The following RALGPS2 variants were observed in gnomAD, a reference collection of about 807,000 sequenced individuals.
RALGPS2 encodes the protein Ral GEF with PH domain and SH3 binding motif 2.
In RALGPS2, 43 loss-of-function variants were observed where a neutral mutation model predicts 86.8. That is an observed-to-expected ratio of 0.50 (90% CI 0.39 to 0.64). RALGPS2 has a LOEUF of 0.64. Ranked by LOEUF, RALGPS2 falls within the 30% of genes least tolerant of loss-of-function variation. RALGPS2 has a pLI of 0.00. For missense variants in RALGPS2, 536 were observed against 694.6 expected (o/e 0.77, Z 2.57); for synonymous variants, 243 against 231.3 (o/e 1.05, Z -0.46).
intron 7 of RALGPS2, among the ~76,000 whole-genome samples, chr1:178,830,297 A>T (rs570986935): frequency 6.6e-6 from 1 of 152,308 alleles, no homozygotes; most frequent in African/African-American, 2.4e-5. Flanking sequence ...GACAATGGGA[A>T]TTGGGGAGAT....
chr1:178,906,788 A>G lies in RALGPS2; in HGVS notation c.1643A>G (p.Lys548Arg). ...LTDSEKGNSY[K>R]FQAGNRMNAM... ...TGGATAATTTTAGGAAATTCGTACA[A>G]GTTTCAAGCTGGCAATAGAATGAAT... Residue 548 changes from lysine (K) to arginine (R), a missense_variant, in exon 19 of 20, where the codon AAG becomes AGG. By Grantham distance (26) the Lys-to-Arg change is conservative (BLOSUM62 2). Transcript: ENST00000367635. The G allele has an allele frequency of 3.7e-6, 6 of 1,609,954 alleles. No individual in the cohort carries two copies. Among genetic ancestry groups the G allele is most frequent in the Non-Finnish European group, 4.2e-6 (5 of 1,178,854 alleles).
chr1:178,790,284 A>G (rs1257354437), intron 4 of RALGPS2, among the ~76,000 whole-genome samples: 1 of 152,162 alleles, frequency 6.6e-6, no homozygotes, highest in Non-Finnish European at 1.5e-5. Flanking sequence ...TCGTGTGAAC[A>G]CTAAGAGTGT....
At chr1:178,744,124 TTGAA>T (rs1422833680) in intron 1 of RALGPS2, among the ~76,000 whole-genome samples, 5 of 152,192 alleles carry the variant, frequency 3.3e-5, no homozygotes, top group African/African-American at 7.2e-5. Context: ...TTTTAGTAAA[TTGAA>T]TGTAACAGTT....
chr1:178,801,451 C>A (rs1432513541), intron 4 of RALGPS2, among the ~76,000 whole-genome samples: 1 of 151,998 alleles, frequency 6.6e-6, no homozygotes, highest in Non-Finnish European at 1.5e-5. Context: ...CCCATTTGAT[C>A]CTGTTTCATC....
chr1:178,785,402 A>G (rs889597281), intron 3 of RALGPS2, among the ~76,000 whole-genome samples, 155 bp from the exon 4 acceptor site: 3 of 151,948 alleles, frequency 2.0e-5, no homozygotes, highest in African/African-American at 4.8e-5. Flanking sequence ...AAATAATTCT[A>G]TTTAATGGTA....
chr1:178,750,001 C>G (rs927726483), intron 1 of RALGPS2, among the ~76,000 whole-genome samples: 1 of 152,048 alleles, frequency 6.6e-6, no homozygotes, highest in Non-Finnish European at 1.5e-5. Flanking sequence ...GTCCCAGCTA[C>G]TTGGAGGGCT....
intron 8 of RALGPS2, chr1:178,870,955 T>C (rs1487288535): frequency 6.6e-6 from 1 of 152,200 alleles, no homozygotes; most frequent in East Asian, 1.9e-4. Flanking sequence ...TTAAGTAGTA[T>C]AGTGGAAGTT....
At chr1:178,828,353 A>G (rs1486026468) in intron 7 of RALGPS2, among the ~76,000 whole-genome samples, 2 of 152,232 alleles carry the variant, frequency 1.3e-5, no homozygotes, top group Non-Finnish European at 2.9e-5. Flanking sequence ...CCTAGGCTAT[A>G]TGGTACAGCC....
intron 16 of RALGPS2, among the ~76,000 whole-genome samples, chr1:178,897,123 G>A (rs535076134): frequency 8.1e-4 from 123 of 151,804 alleles, no homozygotes; most frequent in African/African-American, 2.9e-3. Flanking sequence ...AAAAGTGGGC[G>A]AAGGACATGA....
chr1:178,894,398 G>C (rs374825362), intron 16 of RALGPS2: 2 of 155,046 alleles, frequency 1.3e-5, no homozygotes, highest in Non-Finnish European at 2.9e-5. Flanking sequence ...CAATTTCACA[G>C]ATACAAAATT....
At chr1:178,837,110 C>T (rs879526636) in intron 8 of RALGPS2, among the ~76,000 whole-genome samples, 22 of 152,150 alleles carry the variant, frequency 1.4e-4, no homozygotes, top group Non-Finnish European at 2.4e-4. Flanking sequence ...TCTATATAAT[C>T]GGAGTGGTCT....
chr1:178,806,696 A>G (rs1372906310), intron 4 of RALGPS2, among the ~76,000 whole-genome samples: 3 of 151,868 alleles, frequency 2.0e-5, no homozygotes, highest in East Asian at 1.9e-4. Context: ...TCTTTTTCTC[A>G]TGTATTAAAA....
At chr1:178,798,243 T>C (rs1654300384) in intron 4 of RALGPS2, among the ~76,000 whole-genome samples, 1 of 152,174 alleles carries the variant, frequency 6.6e-6, no homozygotes, top group Non-Finnish European at 1.5e-5. Flanking sequence ...CTGCATAAAA[T>C]TAACTGTAGT....
chr1:178,809,176 T>C lies in RALGPS2; in HGVS notation c.297+1048T>C, dbSNP rs574529489. On this transcript the variant is annotated intron_variant, in intron 5 of 19. Transcript: ENST00000367635. ...ACAAATTCTTATGAAAGAGTTTTTCTTTTTTCTCCTTGACCACCCAGAGCT... is the reference window on the plus strand; with the variant it reads ...ACAAATTCTTATGAAAGAGTTTTTCCTTTTTCTCCTTGACCACCCAGAGCT... 1.1e-4 allele frequency among the ~76,000 whole-genome samples: 17 copies of C among 152,302 alleles called. No homozygotes were observed. The East Asian group carries it at 3.3e-3, about 29-fold the overall frequency.
rs2102374883 is a variant in RALGPS2 at position 178,883,457 on chromosome 1, A to G, written c.837-9A>G. ...ATCATTGTATGTATTTTGTCTTTTTAAAATTCAGGCTTTCATTAAAGATAG... is the reference window on the plus strand; with the variant it reads ...ATCATTGTATGTATTTTGTCTTTTTGAAATTCAGGCTTTCATTAAAGATAG... On this transcript the variant is annotated splice_polypyrimidine_tract_variant and intron_variant, in intron 10 of 19. Coordinates refer to ENST00000367635, the MANE Select transcript of RALGPS2 (RefSeq NM_152663.5). 1.9e-6 allele frequency: 3 copies of G among 1,603,116 alleles called. No individual in the cohort carries two copies. The East Asian group carries it at 6.7e-5, about 36-fold the overall frequency.
chr1:178,753,634 A>G (rs1320832544), intron 1 of RALGPS2: 1 of 152,130 alleles, frequency 6.6e-6, no homozygotes, highest in Non-Finnish European at 1.5e-5. Flanking sequence ...CGTAATGTTC[A>G]CCGTAATACT....
At chr1:178,727,248 TAAG>T (rs1650075880) in intron 1 of RALGPS2, among the ~76,000 whole-genome samples, 1 of 152,178 alleles carries the variant, frequency 6.6e-6, no homozygotes, top group South Asian at 2.1e-4. Flanking sequence ...TTTTTCCTTT[TAAG>T]ATAGGTTCTC....
At chr1:178,807,279 G>A (rs556332305) in intron 4 of RALGPS2, among the ~76,000 whole-genome samples, 26 of 152,238 alleles carry the variant, frequency 1.7e-4, no homozygotes, top group South Asian at 8.3e-4. Context: ...AAGCTGCAGC[G>A]AACTATGACC....
At chr1:178,883,601 A>G in intron 11 of RALGPS2, 68 bp downstream of exon 11, 1 of 1,215,340 alleles carries the variant, frequency 8.2e-7, no homozygotes, top group Non-Finnish European at 1.2e-6. Flanking sequence ...AATATACTCC[A>G]AAGTAAATAA....
Sources: allele counts gnomAD v4.1 joint callset (sites outside exome capture counted in the v4.1 genomes callset), GRCh38; gene constraint gnomAD v4.1.1; transcripts MANE v1.5; gene names NCBI Gene and HGNC (gene_info 2026-07-23, HGNC 2026-07-21).